OXR1: variants seen among roughly 807,000 people sequenced by gnomAD.
The protein encoded by OXR1 is oxidation resistance 1, also known as oxidation resistance protein 1.
Under a neutral mutation model 104.6 loss-of-function variants are expected in OXR1, and 41 were observed. The ratio of observed to expected loss-of-function variants is 0.39; its 90% CI spans 0.31 to 0.51. OXR1 has a LOEUF of 0.51. Ranked by LOEUF, OXR1 falls within the 20% of genes least tolerant of loss-of-function variation. The pLI is 0.77. For missense variants in OXR1, 955 were observed against 1,031.9 expected, an observed-to-expected ratio of 0.93 and a Z score of 1.02; for synonymous variants, 348 against 348.4, an observed-to-expected ratio of 1.00 and a Z score of 0.01.
At chr8:106,396,307 C>G (rs1172388806) in intron 2 of OXR1, among the ~76,000 whole-genome samples, 4 of 151,952 alleles carry the variant, frequency 2.6e-5, no homozygotes, top group Non-Finnish European at 4.4e-5. Flanking sequence ...ACCTGACACA[C>G]ACCGCCTGAG....
At chr8:106,625,348 C>G (rs1304907716) in intron 3 of OXR1, among the ~76,000 whole-genome samples, 1 of 152,152 alleles carries the variant, frequency 6.6e-6, no homozygotes, top group Non-Finnish European at 1.5e-5. Context: ...AGACCACCCC[C>G]TTTCAGAAAG....
intron 11 of OXR1, among the ~76,000 whole-genome samples, chr8:106,725,436 ATAGTTT>A (rs1297268645): frequency 3.3e-5 from 5 of 152,276 alleles, no homozygotes; most frequent in South Asian, 2.1e-4. Context: ...TGAATTCTAG[ATAGTTT>A]TAGTTTATAT....
chr8:106,313,719 G>A (rs1007945277), intron 1 of OXR1, among the ~76,000 whole-genome samples: 6 of 151,766 alleles, frequency 4.0e-5, no homozygotes, highest in African/African-American at 1.5e-4. Context: ...GGAATCCATT[G>A]CCAAAAATAA....
chr8:106,306,255 A>G (rs1813461211), intron 1 of OXR1, among the ~76,000 whole-genome samples: 1 of 152,114 alleles, frequency 6.6e-6, no homozygotes, highest in South Asian at 2.1e-4. Flanking sequence ...TGGATTCACA[A>G]AGCACTGATG....
In OXR1 at chr8:106,726,324, A is replaced by G. The variant is rs576013023; in HGVS notation, c.1957-11196A>G. On this transcript the variant is annotated intron_variant, in intron 11 of 16. Coordinates refer to ENST00000517566, the MANE Select transcript of OXR1 (RefSeq NM_001198533.2). ...AATACACTCTGGTAAATCTTAGTCA[A>G]TTATTTTAATTTGTATATATACTAG... 27 of 1,362,122 alleles carry G rather than the reference A, an allele frequency of 2.0e-5. No individual in the cohort carries two copies. The East Asian group carries it at 4.1e-4, about 21-fold the overall frequency. 84.4% of individuals were successfully genotyped at this position (1,362,122 alleles called of 1,614,324 possible). A position where few individuals can be genotyped will look rare whatever the true frequency, so the allele number is the denominator to read the frequency against.
chr8:106,468,278 C>A (rs558277824), intron 2 of OXR1, among the ~76,000 whole-genome samples: 2 of 151,790 alleles, frequency 1.3e-5, no homozygotes, highest in Non-Finnish European at 2.9e-5. Context: ...CAGAAAGTGA[C>A]AAGTGCTATG....
rs372072896 is a variant in OXR1, at chr8:106,381,059, A to G, written c.23+21423A>G. Among the ~76,000 whole-genome samples, 14 of 152,306 alleles carry G rather than the reference A, an allele frequency of 9.2e-5. No homozygotes were observed. The East Asian group carries it at 1.4e-3, about 15-fold the overall frequency. On this transcript the variant is annotated intron_variant, in intron 2 of 16. Coordinates refer to ENST00000517566, the MANE Select transcript of OXR1 (RefSeq NM_001198533.2). ...TATATATGCAGGATATTTAATTGAGATTTTTGCTTGAAATTTGTTGAGAAG... is the reference window on the plus strand; with the variant it reads ...TATATATGCAGGATATTTAATTGAGGTTTTTGCTTGAAATTTGTTGAGAAG...
intron 3 of OXR1, among the ~76,000 whole-genome samples, chr8:106,610,969 A>G (rs1179587667): frequency 6.6e-6 from 1 of 152,196 alleles, no homozygotes; most frequent in African/African-American, 2.4e-5. Flanking sequence ...ATATTTATTT[A>G]TTGATCTCCT....
intron 2 of OXR1, among the ~76,000 whole-genome samples, chr8:106,411,316 A>G (rs1388574854): frequency 6.6e-6 from 1 of 152,194 alleles, no homozygotes; most frequent in Non-Finnish European, 1.5e-5. Flanking sequence ...CAGATCATGC[A>G]CAGCATTTCA....
chr8:106,617,349 G>C (rs764184958), intron 3 of OXR1, among the ~76,000 whole-genome samples: 46 of 152,130 alleles, frequency 3.0e-4, no homozygotes, highest in Non-Finnish European at 1.8e-4. Flanking sequence ...CTTCAACCTG[G>C]GAGGCAGAGG....
At chr8:106,693,424 CTTTTTTTT>C (rs11384137) in intron 7 of OXR1, among the ~76,000 whole-genome samples, 1 of 97,556 alleles carries the variant, frequency 1.0e-5, no homozygotes, top group African/African-American at 4.1e-5. Context: ...TAGTCAGAAT[CTTTTTTTT>C]TTTTTTTTTT....
At chr8:106,692,693 CT>C (rs545065736) in intron 6 of OXR1, 34 bp from the exon 7 acceptor site, 3,484 of 1,113,520 alleles carry the variant, frequency 3.1e-3, no homozygotes, top group South Asian at 5.3e-3. Flanking sequence ...TTGTTTTCTG[CT>C]TTTTTTTTTC....
intron 6 of OXR1, among the ~76,000 whole-genome samples, chr8:106,688,090 G>A (rs776171882): frequency 6.6e-6 from 1 of 152,026 alleles, no homozygotes; most frequent in East Asian, 1.9e-4. Context: ...ATAGAAACCT[G>A]CTTTTGTTTT....
chr8:106,627,409 G>T (rs1266677703), intron 3 of OXR1, among the ~76,000 whole-genome samples: 3 of 152,056 alleles, frequency 2.0e-5, no homozygotes, highest in Admixed American at 1.3e-4. Flanking sequence ...TTGAGATAAG[G>T]AAAATCAACT....
At chr8:106,382,743 T>A (rs1270305403) in intron 2 of OXR1, among the ~76,000 whole-genome samples, 1 of 146,328 alleles carries the variant, frequency 6.8e-6, no homozygotes, top group Admixed American at 7.1e-5. Context: ...CAGGGGGCTA[T>A]ATACTAGGCA....
At position 106,744,952 on chromosome 8, in the gene OXR1, A is replaced by G. The variant is rs566307802; in HGVS notation, c.2413-837A>G. Among the ~76,000 whole-genome samples the G allele has an allele frequency of 3.9e-5, 6 of 152,296 alleles. No individual in the cohort carries two copies. In the South Asian group the frequency reaches 1.2e-3, roughly 32 times the overall value. ...TTCCTTCCATAAAATATGTCAACTGATAGCAACAGCTACTTGAAAGCTTGT... is the reference window on the plus strand; with the variant it reads ...TTCCTTCCATAAAATATGTCAACTGGTAGCAACAGCTACTTGAAAGCTTGT... On this transcript the variant is annotated intron_variant, in intron 15 of 16. Coordinates refer to ENST00000517566, the MANE Select transcript of OXR1 (RefSeq NM_001198533.2).
At position 106,380,704 on chromosome 8, in the gene OXR1, T is replaced by C. The variant is rs544810448; in HGVS notation, c.23+21068T>C. Among the ~76,000 whole-genome samples the C allele has an allele frequency of 1.7e-3, 266 of 152,312 alleles. 1 individual carries two copies. In the Middle Eastern group the frequency reaches 0.02, roughly 12 times the overall value. ...ATCTCACTGTGGTTTTGATATTTAC[T>C]TCCCTGGTGATTAATGATGTGGAGC... On this transcript the variant is annotated intron_variant, in intron 2 of 16. Transcript: ENST00000517566.
intron 3 of OXR1, among the ~76,000 whole-genome samples, chr8:106,562,451 C>T (rs1004816326): frequency 4.6e-5 from 7 of 152,066 alleles, no homozygotes; most frequent in Non-Finnish European, 7.4e-5. Flanking sequence ...AACAAAGCCT[C>T]CTAGAAATAT....
At chr8:106,572,173 T>A (rs1817518653) in intron 3 of OXR1, among the ~76,000 whole-genome samples, 2 of 152,140 alleles carry the variant, frequency 1.3e-5, no homozygotes, top group South Asian at 4.1e-4. Context: ...AATAGTGCAT[T>A]TTCACAACCA....
Sources: allele counts gnomAD v4.1 joint callset (sites outside exome capture counted in the v4.1 genomes callset), GRCh38; gene constraint gnomAD v4.1.1; transcripts MANE v1.5; gene names NCBI Gene and HGNC (gene_info 2026-07-23, HGNC 2026-07-21).